The following ELAVL2 variants were observed in gnomAD, a reference collection of about 807,000 sequenced individuals.
ELAVL2 encodes ELAV like RNA binding protein 2.
Under a neutral mutation model 34.6 loss-of-function variants are expected in ELAVL2, and 4 were observed. The observed-to-expected ratio is 0.12, with a 90% CI of 0.06 to 0.26. The LOEUF is 0.26. ELAVL2 is among the 10% of genes least tolerant of loss of function. The pLI is 1.00. For missense variants in ELAVL2, 432 were observed against 442.8 expected, an observed-to-expected ratio of 0.98 and a Z score of 0.22; for synonymous variants, 193 against 154.8, an observed-to-expected ratio of 1.25 and a Z score of -1.83.
chr9:23,781,197 C>G (rs535522783), intron 1 of ELAVL2, among the ~76,000 whole-genome samples: 211 of 152,286 alleles, frequency 1.4e-3, no homozygotes, highest in Non-Finnish European at 2.6e-3. Flanking sequence ...AGGCACTATA[C>G]AAAGTAGGGT....
intron 1 of ELAVL2, among the ~76,000 whole-genome samples, chr9:23,793,828 C>A (rs1193480287): frequency 1.3e-5 from 2 of 152,178 alleles, no homozygotes; most frequent in Non-Finnish European, 2.9e-5. Flanking sequence ...CACTCATGAT[C>A]TTCTCCCTAC....
intron 3 of ELAVL2, among the ~76,000 whole-genome samples, chr9:23,729,783 G>A (rs868573815): frequency 2.0e-5 from 3 of 152,014 alleles, no homozygotes; most frequent in South Asian, 2.1e-4. Context: ...AAAGACTGAT[G>A]TGTCAAAACC....
At chr9:23,799,769 G>A (rs2061369938) in intron 1 of ELAVL2, among the ~76,000 whole-genome samples, 3 of 152,098 alleles carry the variant, frequency 2.0e-5, no homozygotes, top group Non-Finnish European at 4.4e-5. Flanking sequence ...CACCAAATAA[G>A]AGACCACAGT....
chr9:23,704,835 G>C, intron 4 of ELAVL2, 83 bp downstream of exon 4: 1 of 1,549,956 alleles, frequency 6.5e-7, no homozygotes, highest in South Asian at 1.2e-5. Flanking sequence ...CTAGAAGCAA[G>C]ACTGCTACAT....
At chr9:23,830,306 A>G (rs1156308955), upstream of ELAVL2, 1 of 152,102 alleles carries the variant, frequency 6.6e-6, no homozygotes, top group Non-Finnish European at 1.5e-5. Flanking sequence ...TTTGCGAAAG[A>G]TTCTTTACAT....
chr9:23,836,024 C>G, the ELAVL2 span, among the ~76,000 whole-genome samples: 1 of 152,164 alleles, frequency 6.6e-6, no homozygotes, highest in Non-Finnish European at 1.5e-5. Context: ...TGCATAAACA[C>G]AGAACAGCCA....
intron 3 of ELAVL2, among the ~76,000 whole-genome samples, chr9:23,713,458 GTA>G (rs1353012653): frequency 6.6e-6 from 1 of 151,860 alleles, no homozygotes; most frequent in African/African-American, 2.4e-5. Flanking sequence ...TTCCAATCCT[GTA>G]TATTTCACTT....
intron 1 of ELAVL2, among the ~76,000 whole-genome samples, chr9:23,805,734 C>T (rs1014795852): frequency 2.6e-5 from 4 of 152,168 alleles, no homozygotes; most frequent in African/African-American, 9.6e-5. Context: ...AGAAAACATT[C>T]TTCTGATAGC....
chr9:23,786,008 C>CT (rs148313635), intron 1 of ELAVL2, among the ~76,000 whole-genome samples: 2,589 of 152,276 alleles, frequency 0.017, 36 homozygotes, highest in Non-Finnish European at 0.028. Flanking sequence ...CTGGTCTTCA[C>CT]TGATGCTACA....
intron 1 of ELAVL2, among the ~76,000 whole-genome samples, chr9:23,824,363 G>A (rs1408331736): frequency 6.6e-6 from 1 of 152,216 alleles, no homozygotes; most frequent in Non-Finnish European, 1.5e-5. Context: ...CGGAGCTCCA[G>A]TGGTGGGCAC....
At chr9:23,766,570 T>C (rs2136168364) in intron 1 of ELAVL2, among the ~76,000 whole-genome samples, 1 of 149,552 alleles carries the variant, frequency 6.7e-6, no homozygotes, top group Admixed American at 6.7e-5. Context: ...ACACCCCTCT[T>C]TCTGAAAGCC....
chr9:23,713,938 G>T (rs1474563294), intron 3 of ELAVL2, among the ~76,000 whole-genome samples: 1 of 152,004 alleles, frequency 6.6e-6, no homozygotes. Context: ...CATTTCCTTA[G>T]GTCTTCTATC....
the ELAVL2 span, among the ~76,000 whole-genome samples, chr9:23,835,666 A>G: frequency 3.3e-5 from 5 of 152,116 alleles, no homozygotes; most frequent in African/African-American, 1.2e-4. Flanking sequence ...GAACACTAAA[A>G]CTTGCTTATG....
At chr9:23,779,455 A>G (rs2136699687) in intron 1 of ELAVL2, 1 of 977,460 alleles carries the variant, frequency 1.0e-6, no homozygotes, top group East Asian at 1.1e-4. Flanking sequence ...TGAAAGCTAG[A>G]GAGTGGGTGG....
chr9:23,734,148 A>G (rs938262470), intron 2 of ELAVL2, among the ~76,000 whole-genome samples: 6 of 152,220 alleles, frequency 3.9e-5, no homozygotes, highest in African/African-American at 1.4e-4. Context: ...TCGTTGGTGT[A>G]TTAAAATGTT....
chr9:23,781,132 A>G (rs1421855762), intron 1 of ELAVL2, among the ~76,000 whole-genome samples: 2 of 152,236 alleles, frequency 1.3e-5, no homozygotes, highest in Admixed American at 6.5e-5. Flanking sequence ...CAGGGTTATT[A>G]AAAGAAATAA....
intron 6 of ELAVL2, 139 bp from the exon 7 acceptor site, chr9:23,693,023 T>G (rs991079706): frequency 1.3e-6 from 1 of 797,524 alleles, no homozygotes; most frequent in African/African-American, 1.7e-5. Flanking sequence ...AACTATTTCA[T>G]GTTTTGACCA....
At chr9:23,808,382 G>A (rs1018612726) in intron 1 of ELAVL2, among the ~76,000 whole-genome samples, 8 of 152,144 alleles carry the variant, frequency 5.3e-5, no homozygotes, top group Admixed American at 4.6e-4. Context: ...ACCTAAGGTA[G>A]TATATGTGGC....
intron 4 of ELAVL2, 85 bp downstream of exon 4, chr9:23,704,833 A>T: frequency 6.5e-7 from 1 of 1,546,904 alleles, no homozygotes; most frequent in Non-Finnish European, 8.8e-7. Flanking sequence ...TTCTAGAAGC[A>T]AGACTGCTAC....
Sources: allele counts gnomAD v4.1 joint callset (sites outside exome capture counted in the v4.1 genomes callset), GRCh38; gene constraint gnomAD v4.1.1; transcripts MANE v1.5; gene names NCBI Gene and HGNC (gene_info 2026-07-23, HGNC 2026-07-21).